The following CNGA1 variants were observed in gnomAD, a reference collection of about 807,000 sequenced individuals.
CNGA1 encodes cyclic nucleotide gated channel subunit alpha 1, also known as cyclic nucleotide-gated channel alpha-1.
A neutral mutation model predicts 69.7 loss-of-function variants in CNGA1; 53 were observed. The ratio of observed to expected loss-of-function variants is 0.76; its 90% CI spans 0.61 to 0.96. The LOEUF is 0.96. Among genes scored for constraint, CNGA1 ranks in the 40% least tolerant of loss-of-function variants. The pLI, the probability that CNGA1 is intolerant of heterozygous loss-of-function variation, is 0.00. For missense variants in CNGA1, 739 were observed against 811.2 expected (o/e 0.91, Z 1.08); for synonymous variants, 249 against 283.5 (o/e 0.88, Z 1.22).
chr4:48,011,288 T>A (rs1419277811), intron 1 of CNGA1, among the ~76,000 whole-genome samples: 1 of 138,536 alleles, frequency 7.2e-6, no homozygotes, highest in South Asian at 2.3e-4. Context: ...CAGAATTCAG[T>A]CAACTAAGAA....
At chr4:47,976,512 A>G (rs1189701341) in intron 3 of CNGA1, among the ~76,000 whole-genome samples, 1 of 151,754 alleles carries the variant, frequency 6.6e-6, no homozygotes, top group Non-Finnish European at 1.5e-5. Flanking sequence ...GTAACCATAT[A>G]AAAAGGCAGA....
Position 47,936,919 on chromosome 4 carries a change from A to G in CNGA1, c.1563T>C (p.Ala521=). ...GAGTGACTCCATCATCTGCCACCAC[A>G]GCGAGTTTGCCTTCCTTGATAATGT... is the stretch of plus-strand genomic sequence containing the variant. ...EMYIIKEGKL[A]VVADDGVTQF... Residue 521 remains alanine (A), a synonymous_variant, in exon 11 of 11, where the codon GCT becomes GCC. Coordinates refer to ENST00000514170, the MANE Select transcript of CNGA1 (RefSeq NM_001379270.1). 6.2e-7 allele frequency: 1 copy of G among 1,614,142 alleles called. No homozygotes were observed. Among genetic ancestry groups the G allele is most frequent in the Non-Finnish European group, 8.5e-7 (1 of 1,180,012 alleles).
At chr4:47,945,125 G>T (rs1459355761) in intron 6 of CNGA1, among the ~76,000 whole-genome samples, 4 of 152,158 alleles carry the variant, frequency 2.6e-5, no homozygotes, top group Admixed American at 2.6e-4. Context: ...CACTTTGGGA[G>T]GTTGAGGCGG....
chr4:47,998,199 A>G (rs985903859), intron 2 of CNGA1, among the ~76,000 whole-genome samples: 3 of 152,220 alleles, frequency 2.0e-5, no homozygotes, highest in Non-Finnish European at 4.4e-5. Context: ...CTAAGGAGTC[A>G]GAAATATGAC....
Position 47,963,485 on chromosome 4 carries a change from C to T in CNGA1, c.-14-10782G>A, listed in dbSNP as rs577176828. On this transcript the variant is annotated intron_variant, in intron 3 of 10. Transcript: ENST00000514170. ...GGGAACTTCCTGCCTTATGAGTAGCCTGTTCCATTGTTGGACAACTTTGTT... is the reference window on the plus strand; with the variant it reads ...GGGAACTTCCTGCCTTATGAGTAGCTTGTTCCATTGTTGGACAACTTTGTT... Among the ~76,000 whole-genome samples the T allele has an allele frequency of 5.3e-5, 8 of 152,312 alleles. No homozygotes were observed. The South Asian group carries it at 1.7e-3, about 32-fold the overall frequency.
At chr4:47,954,586 A>G (rs1739949601) in intron 3 of CNGA1, among the ~76,000 whole-genome samples, 1 of 152,248 alleles carries the variant, frequency 6.6e-6, no homozygotes, top group Non-Finnish European at 1.5e-5. Context: ...CATCGCCTGC[A>G]TCTTCCATGG....
At chr4:47,963,340 A>G (rs1740563321) in intron 3 of CNGA1, among the ~76,000 whole-genome samples, 1 of 152,234 alleles carries the variant, frequency 6.6e-6, no homozygotes, top group African/African-American at 2.4e-5. Context: ...GAATCATAGA[A>G]ACCTAGAAGC....
intron 2 of CNGA1, among the ~76,000 whole-genome samples, chr4:47,996,402 T>G (rs1460289444): frequency 6.6e-6 from 1 of 152,190 alleles, no homozygotes. Flanking sequence ...GTTTGCTAAT[T>G]TCTGACAGCA....
chr4:47,959,468 A>C (rs1213985018), intron 3 of CNGA1, among the ~76,000 whole-genome samples: 3 of 152,218 alleles, frequency 2.0e-5, no homozygotes, highest in African/African-American at 7.2e-5. Context: ...CACCACCACA[A>C]AAATTAATTC....
At position 47,971,172 on chromosome 4, in the gene CNGA1, G is replaced by A; in HGVS notation, c.-15+10221C>T. The A allele has an allele frequency of 1.2e-5, 3 of 254,798 alleles. No individual in the cohort carries two copies. In the Admixed American group the frequency reaches 1.5e-4, roughly 13 times the overall value. The allele number at this position is 254,798 out of a possible 1,614,324, so 15.8% of individuals were successfully genotyped here. A position where few individuals can be genotyped will look rare whatever the true frequency, so the allele number is the denominator to read the frequency against. On this transcript the variant is annotated intron_variant, in intron 3 of 10. Transcript: ENST00000514170. ...TATATATGTAAATATCTATATTTGT[G>A]TGTGTGTGTGTGTGTGTGTGTGTGT...
chr4:48,015,118 C>CA (rs775585943), intron 1 of CNGA1, among the ~76,000 whole-genome samples: 6 of 152,178 alleles, frequency 3.9e-5, no homozygotes, highest in Admixed American at 2.6e-4. Context: ...GCGGAGCTTG[C>CA]AGTGAGCCGA....
intron 2 of CNGA1, among the ~76,000 whole-genome samples, chr4:47,993,419 T>G (rs1742359982): frequency 6.6e-6 from 1 of 152,062 alleles, no homozygotes; most frequent in South Asian, 2.1e-4. Flanking sequence ...GCTAGCAGGG[T>G]TCTGTCTTTC....
chr4:47,993,433 G>A (rs1216233153), intron 2 of CNGA1, among the ~76,000 whole-genome samples: 1 of 152,072 alleles, frequency 6.6e-6, no homozygotes, highest in African/African-American at 2.4e-5. Context: ...GTCTTTCCAG[G>A]AATTTATCCA....
chr4:47,991,373 G>A (rs969033176), intron 2 of CNGA1, among the ~76,000 whole-genome samples: 3 of 152,024 alleles, frequency 2.0e-5, no homozygotes, highest in East Asian at 1.9e-4. Context: ...AGATGGTATT[G>A]CATTTCGCAT....
chr4:48,006,898 C>A (rs1486210979), intron 2 of CNGA1, among the ~76,000 whole-genome samples: 1 of 152,052 alleles, frequency 6.6e-6, no homozygotes, highest in Non-Finnish European at 1.5e-5. Flanking sequence ...GCTTGAATTA[C>A]AGGTATGTGC....
At chr4:47,954,305 C>T (rs1477128337) in intron 3 of CNGA1, among the ~76,000 whole-genome samples, 1 of 152,178 alleles carries the variant, frequency 6.6e-6, no homozygotes, top group Non-Finnish European at 1.5e-5. Context: ...ACCTTTCAAA[C>T]AGTTCATATG....
rs993534408 is a variant in CNGA1, at chr4:47,993,053, G to T, written c.-122-11553C>A. On this transcript the variant is annotated intron_variant, in intron 2 of 10. Transcript: ENST00000514170. ...CCTGGTATGAAACCAACTTGATCAG[G>T]GTGGATTATCTTTTTCATATGTTGT... Among the ~76,000 whole-genome samples the T allele has an allele frequency of 3.3e-5, 5 of 152,046 alleles. No homozygotes were observed. In the East Asian group the frequency reaches 5.8e-4, roughly 18 times the overall value.
At chr4:47,973,631 CTCT>C (rs1252166234) in intron 3 of CNGA1, among the ~76,000 whole-genome samples, 2 of 151,974 alleles carry the variant, frequency 1.3e-5, no homozygotes, top group Non-Finnish European at 2.9e-5. Context: ...AAATGATGCT[CTCT>C]TCTTCATTAG....
At position 48,014,269 on chromosome 4, in the gene CNGA1, T is replaced by C. The variant is rs193009025; in HGVS notation, c.-223+2214A>G. ...TCATTAAAGACAGTGTGTGGTACTA[T>C]AACGGTATTCCCCAAAGTCATCTAG... On this transcript the variant is annotated intron_variant, in intron 1 of 10. Transcript: ENST00000514170. 3.2e-3 allele frequency among the ~76,000 whole-genome samples: 493 copies of C among 152,316 alleles called. 5 individuals carry two copies. Among genetic ancestry groups the C allele is most frequent in the Non-Finnish European group, 4.5e-3 (306 of 68,034 alleles).
Sources: allele counts gnomAD v4.1 joint callset (sites outside exome capture counted in the v4.1 genomes callset), GRCh38; gene constraint gnomAD v4.1.1; transcripts MANE v1.5; gene names NCBI Gene and HGNC (gene_info 2026-07-23, HGNC 2026-07-21).